GALC: variants seen among roughly 807,000 people sequenced by gnomAD.
GALC encodes galactosylceramidase.
Under a neutral mutation model 91.8 loss-of-function variants are expected in GALC, and 77 were observed. That is an observed-to-expected ratio of 0.84 (90% CI 0.70 to 1.01). The LOEUF (loss-of-function observed/expected upper bound fraction) is 1.01. GALC is among the 50% of genes least tolerant of loss of function. GALC has a pLI of 0.00. For synonymous variants in GALC, 357 were observed against 306.7 expected (o/e 1.16, Z -1.71); for missense variants, 882 against 855.9 (o/e 1.03, Z -0.38).
At chr14:87,978,528 A>G (rs1259360666) in intron 6 of GALC, among the ~76,000 whole-genome samples, 2 of 152,252 alleles carry the variant, frequency 1.3e-5, no homozygotes, top group African/African-American at 2.4e-5. Flanking sequence ...TGATTTCTAA[A>G]TAAGTTTCCA....
chr14:87,935,252 G>A (rs1884522890), intron 16 of GALC, among the ~76,000 whole-genome samples: 1 of 152,060 alleles, frequency 6.6e-6, no homozygotes, highest in Non-Finnish European at 1.5e-5. Flanking sequence ...AAGTGGTGTG[G>A]CTAACAGCCA....
intron 8 of GALC, among the ~76,000 whole-genome samples, chr14:87,966,195 A>C (rs1886046642): frequency 6.6e-6 from 1 of 152,160 alleles, no homozygotes; most frequent in Admixed American, 6.6e-5. Flanking sequence ...TAAATGTACT[A>C]ATGCATAGGA....
intron 10 of GALC, among the ~76,000 whole-genome samples, chr14:87,955,758 T>C (rs992504087): frequency 1.3e-5 from 2 of 152,042 alleles, no homozygotes; most frequent in Non-Finnish European, 2.9e-5. Context: ...GAGCGTTCTG[T>C]GGTTAGTTCG....
At position 87,953,052 on chromosome 14, in the gene GALC, G is replaced by A. The variant is rs1266627977; in HGVS notation, c.1162-2304C>T. The A allele has an allele frequency of 5.1e-6, 7 of 1,378,446 alleles. No individual in the cohort carries two copies. The East Asian group carries it at 1.2e-4, about 23-fold the overall frequency. 85.4% of individuals were successfully genotyped at this position (1,378,446 alleles called of 1,614,324 possible). Reference sequence around the variant, plus strand: ...TTGTAGTACTAAACAAATTAATATAGGGCCTGAAGTGGTACAAAGAGAGTG... The same window carrying A: ...TTGTAGTACTAAACAAATTAATATAAGGCCTGAAGTGGTACAAAGAGAGTG... On this transcript the variant is annotated intron_variant, in intron 10 of 16. Transcript: ENST00000261304.
intron 12 of GALC, among the ~76,000 whole-genome samples, chr14:87,948,978 G>A (rs557750958): frequency 2.0e-4 from 31 of 152,134 alleles, no homozygotes; most frequent in Middle Eastern, 3.4e-3. Context: ...ATGAGGCACT[G>A]TGGGAAGCAC....
intron 6 of GALC, among the ~76,000 whole-genome samples, chr14:87,979,270 A>C (rs987624351): frequency 6.6e-6 from 1 of 151,784 alleles, no homozygotes; most frequent in Non-Finnish European, 1.5e-5. Flanking sequence ...CAGGTGATCC[A>C]CCTGCCTCAG....
chr14:87,943,316 G>C (rs1052059108), intron 14 of GALC, among the ~76,000 whole-genome samples: 2 of 152,030 alleles, frequency 1.3e-5, no homozygotes, highest in African/African-American at 4.8e-5. Context: ...GAAGTAGCCA[G>C]TTATAGTACA....
chr14:87,962,578 TACACACACACACACACACAC>T (rs36205603), intron 10 of GALC, among the ~76,000 whole-genome samples: 8,541 of 146,498 alleles, frequency 0.058, 569 homozygotes, highest in African/African-American at 0.16. Flanking sequence ...CCTGATATGA[TACACACACACACACACACAC>T]ACACACACAC....
intron 3 of GALC, 171 bp downstream of exon 3, chr14:87,987,973 T>C (rs1195393083): frequency 8.2e-6 from 5 of 610,378 alleles, no homozygotes; most frequent in Non-Finnish European, 1.2e-5. Flanking sequence ...AGTCATATTC[T>C]ATATAATATT....
chr14:87,954,790 T>C, intron 10 of GALC: 1 of 1,598,694 alleles, frequency 6.3e-7, no homozygotes, highest in Non-Finnish European at 8.6e-7. Context: ...ATATACTGGC[T>C]GCGCAAAATA....
chr14:87,984,410 T>G lies in GALC; in HGVS notation c.566A>C (p.Asp189Ala). Residue 189 changes from aspartate (D) to alanine (A), a missense_variant, in exon 5 of 17, where the codon GAC becomes GCC. Transcript: ENST00000261304. Reference sequence around the variant, plus strand: ...ATTACTAACTCCAATATAATCAATGTCCAAATCATGGTAACGCTTGGCGCC... The same window carrying G: ...ATTACTAACTCCAATATAATCAATGGCCAAATCATGGTAACGCTTGGCGCC... The part of the protein sequence containing the change: ...IVGAKRYHDL[D>A]IDYIGIWNER... 6.2e-7 allele frequency: 1 copy of G among 1,613,876 alleles called. No individual in the cohort carries two copies. Among genetic ancestry groups the G allele is most frequent in the Non-Finnish European group, 8.5e-7 (1 of 1,179,794 alleles).
intron 10 of GALC, chr14:87,959,692 C>G (rs1447346159): frequency 6.7e-6 from 1 of 150,148 alleles, no homozygotes; most frequent in African/African-American, 2.5e-5. Flanking sequence ...TGTACTCCAG[C>G]CTGGAAGTGC....
At position 87,933,890 on chromosome 14, in the gene GALC, G is replaced by C; in HGVS notation, c.*842C>G. 1.9e-6 allele frequency: 2 copies of C among 1,081,078 alleles called. No individual in the cohort carries two copies. The highest frequency in any genetic ancestry group is 2.7e-6 in the Non-Finnish European group (2 of 734,538). 67.0% of individuals were successfully genotyped at this position (1,081,078 alleles called of 1,614,324 possible). A position where few individuals can be genotyped will look rare whatever the true frequency, so the allele number is the denominator to read the frequency against. On this transcript the variant is annotated 3_prime_UTR_variant, in exon 17 of 17. Transcript: ENST00000261304. ...AGAAAAGCATTCATCAGCTGTGTGA[G>C]TCTGTTACCAGTGCACATGTGAGGA...
rs887828753 is a variant in GALC, at chr14:87,965,050, T to G, written c.1033+455A>C. On this transcript the variant is annotated intron_variant, in intron 9 of 16. Transcript: ENST00000261304. Reference sequence around the variant, plus strand: ...TCATATTTACTTATTCATTTGATGATTCAATAATACAGTATTTTTAATCAT... The same window carrying G: ...TCATATTTACTTATTCATTTGATGAGTCAATAATACAGTATTTTTAATCAT... Among the ~76,000 whole-genome samples, 8 of 152,310 alleles carry G rather than the reference T, an allele frequency of 5.3e-5. 1 individual carries two copies. The highest frequency in any genetic ancestry group is 2.1e-4 in the South Asian group (1 of 4,830).
At position 87,933,857 on chromosome 14, in the gene GALC, A is replaced by G. The variant is rs990266186; in HGVS notation, c.*875T>C. 1.6e-5 allele frequency: 13 copies of G among 811,600 alleles called. No homozygotes were observed. In the African/African-American group the frequency reaches 1.9e-4, roughly 12 times the overall value. The allele number at this position is 811,600 out of a possible 1,614,324, so 50.3% of individuals were successfully genotyped here. On this transcript the variant is annotated 3_prime_UTR_variant, in exon 17 of 17. Coordinates refer to ENST00000261304, the MANE Select transcript of GALC (RefSeq NM_000153.4). ...TCTAAGTGCTCCCCTCCTTCCACAC[A>G]TAAGGAGAGAAAAGCATTCATCAGC... is the stretch of plus-strand genomic sequence containing the variant.
chr14:87,984,527 G>A lies in GALC; in HGVS notation c.449C>T (p.Pro150Leu). ...RNPNITLIGL[P>L]WSFPGWLGKG... is the part of the protein sequence containing the mutation. ...TCCCAGCCATCCAGGGAATGACCAT[G>A]GCAACCCTGCAGAGAGAAGGGAGGA... Residue 150 changes from proline (P) to leucine (L), a missense_variant, in exon 5 of 17, where the codon CCA becomes CTA. Coordinates refer to ENST00000261304, the MANE Select transcript of GALC (RefSeq NM_000153.4). The A allele has an allele frequency of 1.2e-6, 2 of 1,614,112 alleles. No homozygotes were observed. The highest frequency in any genetic ancestry group is 1.7e-6 in the Non-Finnish European group (2 of 1,180,008).
chr14:87,966,491 C>T (rs1244553596), intron 8 of GALC, among the ~76,000 whole-genome samples: 1 of 149,950 alleles, frequency 6.7e-6, no homozygotes. Flanking sequence ...CTATCAAGTC[C>T]TCATCCAGTA....
chr14:87,953,834 G>A (rs1345890932), intron 10 of GALC: 1 of 1,609,562 alleles, frequency 6.2e-7, no homozygotes, highest in East Asian at 2.2e-5. Context: ...TAGTCATGGT[G>A]CTATCTCCAT....
At chr14:87,991,315 G>A (rs1887191443) in intron 1 of GALC, among the ~76,000 whole-genome samples, 1 of 152,144 alleles carries the variant, frequency 6.6e-6, no homozygotes, top group Non-Finnish European at 1.5e-5. Flanking sequence ...CGATTCTCCT[G>A]CCTCAGCCTC....
Sources: gnomAD v4.1 joint callset for allele counts (sites outside exome capture counted in the v4.1 genomes callset) on GRCh38, gnomAD v4.1.1 for gene constraint, MANE v1.5 for transcripts, NCBI Gene and HGNC (gene_info 2026-07-23, HGNC 2026-07-21) for gene names.